DDR1: variants seen among roughly 807,000 people sequenced by gnomAD.
DDR1 encodes the protein epithelial discoidin domain-containing receptor 1.
In DDR1, 64 loss-of-function variants were observed where a neutral mutation model predicts 97.4. The ratio of observed to expected loss-of-function variants is 0.66; its 90% CI spans 0.54 to 0.81. The LOEUF (loss-of-function observed/expected upper bound fraction) is 0.81. Ranked by LOEUF, DDR1 falls within the 30% of genes least tolerant of loss-of-function variation. The pLI is 0.00. For synonymous variants in DDR1, 458 were observed against 503.7 expected (o/e 0.91, Z 1.21); for missense variants, 990 against 1,259.6 (o/e 0.79, Z 3.24).
rs1785817364 is a variant in DDR1, at chr6:30,886,287, G to A, written c.-43+1577G>A. Among the ~76,000 whole-genome samples, 1 of 152,108 alleles carries A rather than the reference G, an allele frequency of 6.6e-6. No homozygotes were observed. The highest frequency in any genetic ancestry group is 2.4e-5 in the African/African-American group (1 of 41,426). The stretch of plus-strand genomic sequence containing the variant: ...TGGGATAGGCATGAAGGTTACTTAG[G>A]GGAACAAGAGCCCCGCTGTTCCCGA... On this transcript the variant is annotated intron_variant, in intron 1 of 17. Transcript: ENST00000376568. The surrounding 1 kb of genome is among the most constrained non-coding windows in gnomAD (Gnocchi z 4.6).
At chr6:30,885,423 C>A (rs903101520) in intron 1 of DDR1, 2 of 840,694 alleles carry the variant, frequency 2.4e-6, no homozygotes, top group African/African-American at 3.4e-5. Context: ...CAGGGAAAGG[C>A]TGTTGTCCTT....
Position 30,889,371 on chromosome 6 carries a change from C to G in DDR1, c.358C>G (p.Leu120Val), listed in dbSNP as rs1017104226. 1.9e-6 allele frequency: 3 copies of G among 1,605,776 alleles called. No homozygotes were observed. Among genetic ancestry groups the G allele is most frequent in the Non-Finnish European group, 1.7e-6 (2 of 1,176,334 alleles). ...LGKEFSRSYR[L>V]RYSRDGRRWM... is the part of the protein sequence containing the mutation. ...CAAGGAGTTCTCCCGGAGCTACCGG[C>G]TGCGTTACTCCCGGGATGGTCGCCG... The change falls in exon 4 of 18, where the codon CTG becomes GTG. Residue 120 changes from leucine (L) to valine (V), a missense_variant. Transcript: ENST00000376568. The surrounding 1 kb of genome is among the most constrained non-coding windows in gnomAD (Gnocchi z 4.9).
chr6:30,897,073 T>C lies in DDR1; in HGVS notation c.1929T>C (p.Asn643=). 1.2e-6 allele frequency: 2 copies of C among 1,613,776 alleles called. No individual in the cohort carries two copies. The highest frequency in any genetic ancestry group is 1.7e-6 in the Non-Finnish European group (2 of 1,179,898). The part of the protein sequence containing the change: ...QDLVSLDFPL[N]VRKGHPLLVA... ...TGGTTAGTCTTGATTTCCCCCTTAATGTGCGTAAGGGACACCCTTTGCTGG... is the reference window on the plus strand; with the variant it reads ...TGGTTAGTCTTGATTTCCCCCTTAACGTGCGTAAGGGACACCCTTTGCTGG... Residue 643 remains asparagine (N), a synonymous_variant, in exon 14 of 18, where the codon AAT becomes AAC. Transcript: ENST00000376568. This position sits in a 1 kb window ranked among gnomAD's most constrained non-coding sequence, Gnocchi z 5.2.
At chr6:30,892,635 C>T in intron 8 of DDR1, 93 bp downstream of exon 8, 6 of 1,463,832 alleles carry the variant, frequency 4.1e-6, no homozygotes, top group Non-Finnish European at 5.4e-6. Flanking sequence ...TCATTCCTTG[C>T]ATTATATCTA....
chr6:30,886,106 C>T lies in DDR1; in HGVS notation c.-43+1396C>T, dbSNP rs547920461. 6.6e-6 allele frequency among the ~76,000 whole-genome samples: 1 copy of T among 152,218 alleles called. No individual in the cohort carries two copies. The highest frequency in any genetic ancestry group is 2.4e-5 in the African/African-American group (1 of 41,522). ...AGACGTCTCTGTGCTTCTCCGTGTT[C>T]CTCTGCTTGGCTCTGTGCCCCGTGT... On this transcript the variant is annotated intron_variant, in intron 1 of 17. Coordinates refer to ENST00000376568, the MANE Select transcript of DDR1 (RefSeq NM_001297654.2). This position sits in a 1 kb window ranked among gnomAD's most constrained non-coding sequence, Gnocchi z 4.6.
At chr6:30,892,612 G>A (rs1788939563) in intron 8 of DDR1, 70 bp downstream of exon 8, 1 of 1,496,488 alleles carries the variant, frequency 6.7e-7, no homozygotes, top group Non-Finnish European at 8.9e-7. Flanking sequence ...ACCCTGCAGT[G>A]TCCCTAAAAT....
rs749362174 is a variant in DDR1, at chr6:30,889,326, C to T, written c.313C>T (p.Arg105Trp). The change falls in exon 4 of 18, where the codon CGG becomes TGG. Residue 105 changes from arginine to tryptophan, a missense_variant. Physicochemically the swap from Arg to Trp is moderately radical, Grantham distance 101 (BLOSUM62 -3). Coordinates refer to ENST00000376568, the MANE Select transcript of DDR1 (RefSeq NM_001297654.2). This position sits in a 1 kb window ranked among gnomAD's most constrained non-coding sequence, Gnocchi z 4.9. ...GGTGGCTCTGGTGGGCACCCAGGGA[C>T]GGCATGCCGGGGGCCTGGGCAAGGA... Reference protein sequence around the residue: ...HLVALVGTQGRHAGGLGKEFS... With the variant: ...HLVALVGTQGWHAGGLGKEFS... 2.5e-6 allele frequency: 4 copies of T among 1,612,452 alleles called. No individual in the cohort carries two copies. Among genetic ancestry groups the T allele is most frequent in the African/African-American group, 1.3e-5 (1 of 74,916 alleles).
chr6:30,885,089 T>A, intron 1 of DDR1: 1 of 1,069,216 alleles, frequency 9.4e-7, no homozygotes, highest in Non-Finnish European at 1.4e-6. Flanking sequence ...ATCTAACTGC[T>A]AAGCCTCCGC....
rs1788259952 is a variant in DDR1 at position 30,891,538 on chromosome 6, T to TGC, written c.665+60_665+61insCG. The TGC allele has an allele frequency of 1.1e-6, 1 of 878,744 alleles. No individual in the cohort carries two copies. Among genetic ancestry groups the TGC allele is most frequent in the African/African-American group, 1.7e-5 (1 of 60,132 alleles). 54.4% of individuals were successfully genotyped at this position (878,744 alleles called of 1,614,324 possible). A position where few individuals can be genotyped will look rare whatever the true frequency, so the allele number is the denominator to read the frequency against. ...GGTGGGAGGGAGGACTGTGTGTGTG[T>TGC]GTGTGTGTGTGTGTGTGTGAGAGTG... On this transcript the variant is annotated intron_variant, in intron 6 of 17. Transcript: ENST00000376568. This position sits in a 1 kb window ranked among gnomAD's most constrained non-coding sequence, Gnocchi z 5.3.
rs1326992108 is a variant in DDR1 at position 30,894,492 on chromosome 6, A to C, written c.1348-14A>C. 1.3e-6 allele frequency: 2 copies of C among 1,598,680 alleles called. No homozygotes were observed. Among genetic ancestry groups the C allele is most frequent in the Admixed American group, 3.4e-5 (2 of 58,316 alleles). On this transcript the variant is annotated splice_polypyrimidine_tract_variant and intron_variant, in intron 10 of 17. Coordinates refer to ENST00000376568, the MANE Select transcript of DDR1 (RefSeq NM_001297654.2). This position sits in a 1 kb window ranked among gnomAD's most constrained non-coding sequence, Gnocchi z 5.7. ...CTGAGCAACACGGGTGATGCCTCCC[A>C]TCCCTATGACAAGGCTGAACGGAGG...
At position 30,891,294 on chromosome 6, in the gene DDR1, G is replaced by A. The variant is rs1319553116; in HGVS notation, c.566-86G>A. ...ATGAGCCAGTGGAGAGATACAAGAAGGGACCTGAAACCTGCCCAGGCCTGA... is the reference window on the plus strand; with the variant it reads ...ATGAGCCAGTGGAGAGATACAAGAAAGGACCTGAAACCTGCCCAGGCCTGA... On this transcript the variant is annotated intron_variant, in intron 5 of 17. Transcript: ENST00000376568. The surrounding 1 kb of genome is among the most constrained non-coding windows in gnomAD (Gnocchi z 5.3). The A allele has an allele frequency of 2.8e-6, 4 of 1,422,794 alleles. No homozygotes were observed. Among genetic ancestry groups the A allele is most frequent in the Non-Finnish European group, 3.9e-6 (4 of 1,027,648 alleles). 88.1% of individuals were successfully genotyped at this position (1,422,794 alleles called of 1,614,324 possible).
Position 30,895,450 on chromosome 6 carries a change from C to G in DDR1, c.1560C>G (p.Tyr520Ter). ...CCTACCGCCTCCTTCTGGCCACTTA[C>G]GCCCGTCCCCCTCGAGGCCCGGGCC... ...NPAYRLLLAT[Y>*]ARPPRGPGPP... Residue 520 changes from tyrosine to a stop codon, truncating the protein, a stop_gained, in exon 12 of 18, where the codon TAC (tyrosine) becomes TAG (stop). Transcript: ENST00000376568. LOFTEE classifies it high-confidence loss of function. 1 of 1,609,954 alleles carries G rather than the reference C, an allele frequency of 6.2e-7. No individual in the cohort carries two copies. Among genetic ancestry groups the G allele is most frequent in the South Asian group, 1.1e-5 (1 of 90,544 alleles).
chr6:30,885,858 G>A, intron 1 of DDR1: 1 of 1,282,652 alleles, frequency 7.8e-7, no homozygotes, highest in South Asian at 1.2e-5. Flanking sequence ...AGCTGTGTGG[G>A]TGTTGTCTGA....
rs773031782 is a variant in DDR1 at position 30,895,479 on chromosome 6, CCA to C, written c.1593_1594del (p.Pro532ArgfsTer19). ...CGTCCCCCTCGAGGCCCGGGCCCCC[CCA>C]CACCCGCCTGGGCCAAACCCACCAA... On this transcript the variant is annotated frameshift_variant, in exon 12 of 18. Transcript: ENST00000376568. LOFTEE classifies it high-confidence loss of function. The C allele has an allele frequency of 6.2e-7, 1 of 1,605,216 alleles. No individual in the cohort carries two copies. Among genetic ancestry groups the C allele is most frequent in the South Asian group, 1.1e-5 (1 of 90,398 alleles).
At chr6:30,885,856 G>A in intron 1 of DDR1, 1 of 1,283,592 alleles carries the variant, frequency 7.8e-7, no homozygotes, top group Non-Finnish European at 1.0e-6. Flanking sequence ...AGAGCTGTGT[G>A]GGTGTTGTCT....
rs754253512 is a variant in DDR1 at position 30,894,645 on chromosome 6, C to A, written c.1487C>A (p.Ser496Tyr). Residue 496 changes from serine to tyrosine, a missense_variant, in exon 11 of 18, where the codon TCC becomes TAC. Coordinates refer to ENST00000376568, the MANE Select transcript of DDR1 (RefSeq NM_001297654.2). This position sits in a 1 kb window ranked among gnomAD's most constrained non-coding sequence, Gnocchi z 5.7. Reference sequence around the variant, plus strand: ...CGGCCTCGTGGGAATCCGCCCCACTCCGCTCCCTGTGTCCCCAATGGCTCT... The same window carrying A: ...CGGCCTCGTGGGAATCCGCCCCACTACGCTCCCTGTGTCCCCAATGGCTCT... ...EPRPRGNPPH[S>Y]APCVPNGSAL... The A allele has an allele frequency of 6.2e-7, 1 of 1,608,888 alleles. No homozygotes were observed. Among genetic ancestry groups the A allele is most frequent in the Non-Finnish European group, 8.5e-7 (1 of 1,177,366 alleles).
Position 30,888,620 on chromosome 6 carries a change from G to C in DDR1, c.-42-68G>C. The C allele has an allele frequency of 6.6e-7, 1 of 1,526,268 alleles. No individual in the cohort carries two copies. The highest frequency in any genetic ancestry group is 8.8e-7 in the Non-Finnish European group (1 of 1,132,028). 94.5% of individuals were successfully genotyped at this position (1,526,268 alleles called of 1,614,324 possible). The stretch of plus-strand genomic sequence containing the variant: ...TATTATCCCCAAAGCGGCCCATTCT[G>C]TCTGTTGCTGTCAGCTATGACTCAG... On this transcript the variant is annotated intron_variant, in intron 1 of 17. Coordinates refer to ENST00000376568, the MANE Select transcript of DDR1 (RefSeq NM_001297654.2). This position sits in a 1 kb window ranked among gnomAD's most constrained non-coding sequence, Gnocchi z 4.2.
At chr6:30,887,697 A>G (rs146755519) in intron 1 of DDR1, among the ~76,000 whole-genome samples, 2 of 152,296 alleles carry the variant, frequency 1.3e-5, no homozygotes, top group Admixed American at 6.5e-5. Flanking sequence ...GCATTCACAT[A>G]TCTTACAGAT....
Position 30,897,580 on chromosome 6 carries a change from G to A in DDR1, c.2199G>A (p.Ala733=), listed in dbSNP as rs148278902. ...GGGCCCCTGGGGACGGGCAGGCTGCGCAGGGGCCCACCATCAGGTACCTGC... is the reference window on the plus strand; with the variant it reads ...GGGCCCCTGGGGACGGGCAGGCTGCACAGGGGCCCACCATCAGGTACCTGC... The part of the protein sequence containing the change: ...AEGAPGDGQA[A]QGPTISYPML... The change falls in exon 15 of 18, where the codon GCG becomes GCA. Residue 733 remains alanine, a synonymous_variant. Coordinates refer to ENST00000376568, the MANE Select transcript of DDR1 (RefSeq NM_001297654.2). This position sits in a 1 kb window ranked among gnomAD's most constrained non-coding sequence, Gnocchi z 5.2. 1.9e-4 allele frequency: 310 copies of A among 1,611,446 alleles called. No homozygotes were observed. Among genetic ancestry groups the A allele is most frequent in the Non-Finnish European group, 2.5e-4 (293 of 1,179,724 alleles).
Sources: allele counts gnomAD v4.1 joint callset (sites outside exome capture counted in the v4.1 genomes callset), GRCh38; gene constraint gnomAD v4.1.1; non-coding constraint Gnocchi (gnomAD v3.1); transcripts MANE v1.5; gene names NCBI Gene and HGNC (gene_info 2026-07-23, HGNC 2026-07-21).